The following AFF2 variants were observed in gnomAD, a reference collection of about 807,000 sequenced individuals.
AFF2 encodes the protein AF4/FMR2 family member 2.
A neutral mutation model predicts 76.9 loss-of-function variants in AFF2; 14 were observed. The ratio of observed to expected loss-of-function variants is 0.18; its 90% CI spans 0.12 to 0.28. The LOEUF is 0.28. AFF2 is among the 10% of genes least tolerant of loss of function. AFF2 has a pLI of 1.00. For missense variants in AFF2, 868 were observed against 1,001.1 expected, an observed-to-expected ratio of 0.87 and a Z score of 1.79; for synonymous variants, 398 against 366.7, an observed-to-expected ratio of 1.09 and a Z score of -0.98.
At chrX:148,552,972 A>T (rs781987129) in intron 1 of AFF2, among the ~76,000 whole-genome samples, 24 of 111,739 alleles carry the variant, frequency 2.1e-4, no homozygotes, top group Non-Finnish European at 4.0e-4. Context: ...GAGTGGTTTT[A>T]CCCATAGTAG....
At chrX:148,798,690 C>A (rs1394635574) in intron 3 of AFF2, among the ~76,000 whole-genome samples, 8 of 111,940 alleles carry the variant, frequency 7.1e-5, no homozygotes, top group Non-Finnish European at 1.5e-4. Flanking sequence ...TAATCAATAC[C>A]TTGTTTTCTT....
intron 3 of AFF2, among the ~76,000 whole-genome samples, chrX:148,794,335 G>A (rs2069939659): frequency 8.9e-6 from 1 of 111,977 alleles, no homozygotes; most frequent in Non-Finnish European, 1.9e-5. Context: ...AATATTGACT[G>A]TGGATGTTGG....
At chrX:148,781,707 T>C (rs1280698661) in intron 3 of AFF2, among the ~76,000 whole-genome samples, 1 of 111,229 alleles carries the variant, frequency 9.0e-6, no homozygotes, top group Non-Finnish European at 1.9e-5. Flanking sequence ...GGGGAGTGAA[T>C]GGTTCTGTCT....
chrX:148,579,545 AAT>A (rs1179480505), intron 1 of AFF2, among the ~76,000 whole-genome samples: 4 of 112,140 alleles, frequency 3.6e-5, no homozygotes, highest in Non-Finnish European at 7.5e-5. Context: ...TGTCTGTTGT[AAT>A]ATATTTAAAT....
chrX:148,515,683 C>A, intron 1 of AFF2, among the ~76,000 whole-genome samples: 2 of 111,880 alleles, frequency 1.8e-5, no homozygotes, highest in Middle Eastern at 4.7e-3. Flanking sequence ...CAGTGGTGTG[C>A]AGGCAAAATG....
At chrX:148,738,954 C>G (rs1429386044) in intron 3 of AFF2, among the ~76,000 whole-genome samples, 2 of 111,790 alleles carry the variant, frequency 1.8e-5, no homozygotes, top group Non-Finnish European at 3.8e-5. Context: ...AGTTGATTTC[C>G]AGTTTTATTC....
At chrX:148,677,716 G>A (rs1486764243) in intron 3 of AFF2, among the ~76,000 whole-genome samples, 1 of 112,427 alleles carries the variant, frequency 8.9e-6, no homozygotes, top group African/African-American at 3.2e-5. Context: ...GCTACACAGG[G>A]AACATGTTTA....
intron 9 of AFF2, among the ~76,000 whole-genome samples, chrX:148,925,104 G>T (rs2071636438): frequency 8.9e-6 from 1 of 112,522 alleles, no homozygotes; most frequent in Non-Finnish European, 1.9e-5. Context: ...GGGGGGAAAT[G>T]CATGAGCACT....
chrX:148,903,006 G>A (rs2071369994), intron 8 of AFF2, among the ~76,000 whole-genome samples: 1 of 110,409 alleles, frequency 9.1e-6, no homozygotes, highest in South Asian at 4.0e-4. Context: ...CACCGAGAAT[G>A]TCAAGTCCAG....
intron 4 of AFF2, among the ~76,000 whole-genome samples, chrX:148,825,082 A>G (rs2070372670): frequency 9.0e-6 from 1 of 111,231 alleles, no homozygotes; most frequent in Admixed American, 9.6e-5. Flanking sequence ...ACACACACAC[A>G]AAATGATGAT....
Position 148,898,744 on chromosome X carries a change from C to T in AFF2, c.1360-5477C>T, listed in dbSNP as rs146861895. Among the ~76,000 whole-genome samples, 1,013 of 111,639 alleles carry T rather than the reference C, an allele frequency of 9.1e-3. 8 individuals carry two copies. Among genetic ancestry groups the T allele is most frequent in the Non-Finnish European group, 0.014 (740 of 53,041 alleles). ...CATTTTCATGCCCAGAGCATAATGT[C>T]CAGGCCTATGAGTTTGCCTAGTCAT... On this transcript the variant is annotated intron_variant, in intron 8 of 20. Transcript: ENST00000370460.
chrX:148,593,233 A>G (rs1414328077), intron 1 of AFF2, among the ~76,000 whole-genome samples: 1 of 112,089 alleles, frequency 8.9e-6, no homozygotes, highest in Non-Finnish European at 1.9e-5. Context: ...CAATTTTTAT[A>G]TTTGCTTAAC....
intron 1 of AFF2, among the ~76,000 whole-genome samples, chrX:148,549,891 A>G (rs1231711782): frequency 8.9e-6 from 1 of 112,269 alleles, no homozygotes; most frequent in Non-Finnish European, 1.9e-5. Flanking sequence ...TATGTCTAAT[A>G]GTTTATTATA....
At chrX:148,657,363 G>T (rs782011173) in intron 2 of AFF2, among the ~76,000 whole-genome samples, 1 of 111,808 alleles carries the variant, frequency 8.9e-6, no homozygotes, top group East Asian at 2.8e-4. Flanking sequence ...ATTAGAAAAA[G>T]ACAAATTACT....
At chrX:148,977,071 C>T (rs1424157614) in intron 16 of AFF2, among the ~76,000 whole-genome samples, 1 of 112,127 alleles carries the variant, frequency 8.9e-6, no homozygotes, top group Non-Finnish European at 1.9e-5. Context: ...TTTCTGTCGC[C>T]TTCTTATAAA....
chrX:148,591,496 A>G (rs1435503207), intron 1 of AFF2, among the ~76,000 whole-genome samples: 1 of 112,506 alleles, frequency 8.9e-6, no homozygotes, highest in Non-Finnish European at 1.9e-5. Flanking sequence ...TTTTGTTACT[A>G]AGCATCAAAT....
intron 3 of AFF2, among the ~76,000 whole-genome samples, chrX:148,760,946 C>T (rs2069432120): frequency 8.9e-6 from 1 of 111,908 alleles, no homozygotes; most frequent in Non-Finnish European, 1.9e-5. Context: ...GATTTAAGTG[C>T]AACTCTTCTG....
intron 7 of AFF2, among the ~76,000 whole-genome samples, chrX:148,859,219 A>C (rs782220438): frequency 2.8e-5 from 3 of 107,325 alleles, no homozygotes; most frequent in Non-Finnish European, 5.8e-5. Flanking sequence ...ATCACATTTA[A>C]ATATATTAAA....
chrX:148,856,910 T>C (rs183719401), intron 7 of AFF2, among the ~76,000 whole-genome samples: 1,423 of 112,514 alleles, frequency 0.013, 29 homozygotes, highest in African/African-American at 0.043. Flanking sequence ...TTCTGTGAAA[T>C]AAACATTCCA....
Sources: gnomAD v4.1 joint callset for allele counts (sites outside exome capture counted in the v4.1 genomes callset) on GRCh38, gnomAD v4.1.1 for gene constraint, MANE v1.5 for transcripts, NCBI Gene and HGNC (gene_info 2026-07-23, HGNC 2026-07-21) for gene names.